PRORP: variants seen among roughly 807,000 people sequenced by gnomAD.
PRORP encodes mitochondrial ribonuclease P catalytic subunit.
In PRORP, 51 loss-of-function variants were observed where a neutral mutation model predicts 59.4. The ratio of observed to expected loss-of-function variants is 0.86; its 90% CI spans 0.69 to 1.08. The LOEUF is 1.08. Among genes scored for constraint, PRORP ranks in the 50% least tolerant of loss-of-function variants. The pLI, the probability that PRORP is intolerant of heterozygous loss-of-function variation, is 0.00. For synonymous variants in PRORP, 231 were observed against 245.6 expected, an observed-to-expected ratio of 0.94 and a Z score of 0.55; for missense variants, 646 against 690.3, an observed-to-expected ratio of 0.94 and a Z score of 0.72.
intron 6 of PRORP, among the ~76,000 whole-genome samples, chr14:35,269,779 C>CT (rs575115141): frequency 1.4e-4 from 22 of 152,258 alleles, no homozygotes; most frequent in Admixed American, 1.2e-3. Context: ...AAGTTGCTGT[C>CT]TGAATCTCCT....
At chr14:35,234,028 CTTA>C (rs1455906640) in intron 5 of PRORP, among the ~76,000 whole-genome samples, 3 of 152,216 alleles carry the variant, frequency 2.0e-5, no homozygotes, top group African/African-American at 7.2e-5. Flanking sequence ...CTGAAAAACA[CTTA>C]TTAATACTAC....
intron 5 of PRORP, among the ~76,000 whole-genome samples, chr14:35,193,996 C>G (rs1291463023): frequency 6.6e-6 from 1 of 151,114 alleles, no homozygotes; most frequent in Admixed American, 6.6e-5. Context: ...ATTTTTTTTT[C>G]TTTTTCAAAT....
At chr14:35,181,916 AAAAACAAAAC>A (rs1381470096) in intron 5 of PRORP, among the ~76,000 whole-genome samples, 1 of 152,178 alleles carries the variant, frequency 6.6e-6, no homozygotes, top group Non-Finnish European at 1.5e-5. Context: ...CTAGACAGTA[AAAAACAAAAC>A]AAAACTGAAC....
chr14:35,273,128 T>C (rs1370772159), intron 7 of PRORP, among the ~76,000 whole-genome samples: 1 of 152,170 alleles, frequency 6.6e-6, no homozygotes, highest in Non-Finnish European at 1.5e-5. Flanking sequence ...GAAGGCTGAC[T>C]GGATTTGAAA....
chr14:35,204,205 G>T (rs1200543987), intron 5 of PRORP, among the ~76,000 whole-genome samples: 3 of 151,952 alleles, frequency 2.0e-5, no homozygotes, highest in African/African-American at 7.3e-5. Context: ...CATGTCACAT[G>T]GTCATGTTAC....
At chr14:35,227,916 C>T (rs974351164) in intron 5 of PRORP, among the ~76,000 whole-genome samples, 2 of 151,076 alleles carry the variant, frequency 1.3e-5, no homozygotes, top group East Asian at 1.9e-4. Context: ...AGGCCGAGGT[C>T]GGTGGATCAC....
At chr14:35,223,947 T>C (rs925091328) in intron 5 of PRORP, among the ~76,000 whole-genome samples, 5 of 152,210 alleles carry the variant, frequency 3.3e-5, no homozygotes, top group Admixed American at 6.5e-5. Context: ...TGCTCAGTTT[T>C]AGATAATCTT....
chr14:35,147,660 A>G (rs888853261), intron 4 of PRORP, among the ~76,000 whole-genome samples: 1 of 152,210 alleles, frequency 6.6e-6, no homozygotes, highest in Non-Finnish European at 1.5e-5. Context: ...AAAATAAGAC[A>G]ATAATGAAGT....
intron 4 of PRORP, among the ~76,000 whole-genome samples, chr14:35,140,443 T>C (rs959273373): frequency 8.2e-5 from 12 of 145,794 alleles, no homozygotes; most frequent in African/African-American, 2.9e-4. Context: ...TAATGACTAA[T>C]GTTGTTGAGC....
chr14:35,152,348 C>A (rs1183061976), intron 4 of PRORP, among the ~76,000 whole-genome samples: 1 of 152,218 alleles, frequency 6.6e-6, no homozygotes, highest in East Asian at 1.9e-4. Flanking sequence ...ACAGACACAG[C>A]AACAATCTGA....
intron 5 of PRORP, among the ~76,000 whole-genome samples, chr14:35,186,065 A>G (rs1252195458): frequency 1.3e-5 from 2 of 152,100 alleles, no homozygotes; most frequent in East Asian, 3.9e-4. Flanking sequence ...ACTGGGGACT[A>G]TAAAGTCCCT....
Position 35,123,223 on chromosome 14 carries a change from T to G in PRORP, c.-23T>G, listed in dbSNP as rs773541686. On this transcript the variant is annotated 5_prime_UTR_variant, in exon 2 of 8. Transcript: ENST00000534898. ...GGTTTTTTCAACATCTCTCTCACTA[T>G]CTGGTGCTGATCTCACTGCATAATG... The G allele has an allele frequency of 6.3e-7, 1 of 1,592,506 alleles. No individual in the cohort carries two copies. The highest frequency in any genetic ancestry group is 1.1e-5 in the South Asian group (1 of 90,450).
intron 4 of PRORP, among the ~76,000 whole-genome samples, chr14:35,133,197 G>A (rs919919141): frequency 6.6e-6 from 1 of 152,170 alleles, no homozygotes; most frequent in Non-Finnish European, 1.5e-5. Context: ...GGGATTACGG[G>A]CGTGAGCTAC....
At chr14:35,170,351 T>G (rs574105420) in intron 4 of PRORP, among the ~76,000 whole-genome samples, 2 of 152,298 alleles carry the variant, frequency 1.3e-5, no homozygotes, top group South Asian at 2.1e-4. Flanking sequence ...ATTTGTCATA[T>G]AATTCATCTA....
intron 5 of PRORP, among the ~76,000 whole-genome samples, chr14:35,218,090 T>C (rs933617042): frequency 1.3e-5 from 2 of 152,198 alleles, no homozygotes; most frequent in Non-Finnish European, 2.9e-5. Context: ...TTAACAGTTT[T>C]AGTTTCTTCT....
Position 35,131,609 on chromosome 14 carries a change from A to C in PRORP, c.1167+3998A>C, listed in dbSNP as rs187800409. 4.0e-5 allele frequency among the ~76,000 whole-genome samples: 6 copies of C among 150,418 alleles called. No individual in the cohort carries two copies. In the East Asian group the frequency reaches 1.2e-3, roughly 29 times the overall value. ...AGTGGTGCTATTTCGGCTCACTGCAACCTCCACCTCCTGGGTTCAAGCGAT... is the reference window on the plus strand; with the variant it reads ...AGTGGTGCTATTTCGGCTCACTGCACCCTCCACCTCCTGGGTTCAAGCGAT... On this transcript the variant is annotated intron_variant, in intron 4 of 7. Transcript: ENST00000534898.
Position 35,241,261 on chromosome 14 carries a change from C to T in PRORP, c.1276-25466C>T, listed in dbSNP as rs539702238. On this transcript the variant is annotated intron_variant, in intron 5 of 7. Coordinates refer to ENST00000534898, the MANE Select transcript of PRORP (RefSeq NM_014672.4). ...GGTATGGTGGCACATGCTTGTAATC[C>T]CAGCTACTCAGGAGGCTGAGGTAGG... Among the ~76,000 whole-genome samples the T allele has an allele frequency of 1.2e-4, 18 of 152,008 alleles. No homozygotes were observed. In the East Asian group the frequency reaches 3.1e-3, roughly 26 times the overall value.
chr14:35,251,902 A>T (rs902597504), intron 5 of PRORP, among the ~76,000 whole-genome samples: 3 of 152,100 alleles, frequency 2.0e-5, no homozygotes, highest in Non-Finnish European at 4.4e-5. Flanking sequence ...ATAACACTGT[A>T]AGGATAGTGG....
chr14:35,200,156 T>A (rs945984437), intron 5 of PRORP, among the ~76,000 whole-genome samples: 1 of 152,144 alleles, frequency 6.6e-6, no homozygotes, highest in African/African-American at 2.4e-5. Flanking sequence ...ATTCCATGAT[T>A]GTGAAAATAT....
Sources: gnomAD v4.1 joint callset for allele counts (sites outside exome capture counted in the v4.1 genomes callset) on GRCh38, gnomAD v4.1.1 for gene constraint, MANE v1.5 for transcripts, NCBI Gene and HGNC (gene_info 2026-07-23, HGNC 2026-07-21) for gene names.